LARS1: variants seen among roughly 807,000 people sequenced by gnomAD.
LARS1 encodes leucyl-tRNA synthetase 1.
A neutral mutation model predicts 162.8 loss-of-function variants in LARS1; 100 were observed. That is an observed-to-expected ratio of 0.61 (90% CI 0.52 to 0.73). The LOEUF (loss-of-function observed/expected upper bound fraction) is 0.73, where lower values mean the gene tolerates loss of function less well. Ranked by LOEUF, LARS1 falls within the 30% of genes least tolerant of loss-of-function variation. LARS1 has a pLI of 0.00. For missense variants in LARS1, 1,258 were observed against 1,408.9 expected (o/e 0.89, Z 1.71); for synonymous variants, 457 against 462.8 (o/e 0.99, Z 0.16).
chr5:146,181,922 G>A (rs1754887250), intron 1 of LARS1, among the ~76,000 whole-genome samples: 2 of 114,308 alleles, frequency 1.7e-5, no homozygotes, highest in Non-Finnish European at 3.4e-5. Flanking sequence ...TCTCCACCTC[G>A]GCTTTATTTG....
At chr5:146,161,264 C>T (rs768610176) in intron 6 of LARS1, among the ~76,000 whole-genome samples, 19 of 152,158 alleles carry the variant, frequency 1.2e-4, no homozygotes, top group Non-Finnish European at 1.8e-4. Flanking sequence ...GCCTCGATGA[C>T]GGCTGCTGAC....
intron 25 of LARS1, 139 bp downstream of exon 25, chr5:146,129,879 A>G (rs1256006709): frequency 8.3e-6 from 7 of 845,374 alleles, no homozygotes; most frequent in African/African-American, 1.7e-5. Context: ...AACCCGTCAT[A>G]ATTATGATGC....
chr5:146,146,532 C>CAAAAAAAAAAAAAA (rs573828595), intron 15 of LARS1, among the ~76,000 whole-genome samples: 2 of 26,502 alleles, frequency 7.5e-5, no homozygotes, highest in African/African-American at 2.0e-4. Context: ...ATGCCAGAAC[C>CAAAAAAAAAAAAAA]AAAAAAAAAA....
intron 2 of LARS1, among the ~76,000 whole-genome samples, 178 bp from the exon 3 acceptor site, chr5:146,172,952 T>C (rs890427729): frequency 6.6e-6 from 1 of 152,188 alleles, no homozygotes; most frequent in Non-Finnish European, 1.5e-5. Context: ...GAAAATTACT[T>C]TAGATTTACA....
intron 28 of LARS1, among the ~76,000 whole-genome samples, chr5:146,125,106 T>C (rs1011654590): frequency 6.6e-6 from 1 of 152,004 alleles, no homozygotes; most frequent in East Asian, 1.9e-4. Context: ...GTCATCAAAA[T>C]TAATTGCCTT....
At chr5:146,175,073 C>T (rs1754493504) in intron 2 of LARS1, among the ~76,000 whole-genome samples, 1 of 151,904 alleles carries the variant, frequency 6.6e-6, no homozygotes, top group Non-Finnish European at 1.5e-5. Context: ...AGAAAAATTA[C>T]CTGGGTGTGG....
chr5:146,151,804 A>G, intron 14 of LARS1, 58 bp downstream of exon 14: 2 of 1,455,778 alleles, frequency 1.4e-6, no homozygotes, highest in Non-Finnish European at 1.9e-6. Context: ...TTTTCTAATT[A>G]AGAAAATCAC....
At chr5:146,176,822 A>C (rs1307544134) in intron 2 of LARS1, among the ~76,000 whole-genome samples, 1 of 152,162 alleles carries the variant, frequency 6.6e-6, no homozygotes, top group Non-Finnish European at 1.5e-5. Flanking sequence ...TTCTATAAGC[A>C]TTAGGTTTAC....
rs772723616 is a variant in LARS1 at position 146,126,439 on chromosome 5, A to C, written c.2987T>G (p.Ile996Ser). 2.5e-6 allele frequency: 4 copies of C among 1,601,600 alleles called. No homozygotes were observed. The South Asian group carries it at 3.3e-5, about 13-fold the overall frequency. Residue 996 changes from isoleucine (I) to serine (S), a missense_variant, in exon 28 of 32, where the codon ATT (isoleucine) becomes AGT (serine). By Grantham distance (142) the Ile-to-Ser change is moderately radical. Transcript: ENST00000394434. Reference sequence around the variant, plus strand: ...TGCATAAGGTCCACAGCTTACCTTAATCATGGCAACAAATGGCATGACTTT... The same window carrying C: ...TGCATAAGGTCCACAGCTTACCTTACTCATGGCAACAAATGGCATGACTTT... ...MKKVMPFVAM[I>S]KENLEKMGPR...
chr5:146,133,098 A>C lies in LARS1; in HGVS notation c.2213-17T>G. On this transcript the variant is annotated splice_polypyrimidine_tract_variant and intron_variant, in intron 22 of 31. Coordinates refer to ENST00000394434, the MANE Select transcript of LARS1 (RefSeq NM_020117.11). ...AACGCATTCCTGGAAGAAGAAAAAA[A>C]AATTCAATGCATTAAAAATATGGTT... The C allele has an allele frequency of 5.0e-6, 8 of 1,611,382 alleles. No homozygotes were observed. The highest frequency in any genetic ancestry group is 6.8e-6 in the Non-Finnish European group (8 of 1,178,444).
chr5:146,176,203 C>G (rs567281432), intron 2 of LARS1, among the ~76,000 whole-genome samples: 89 of 151,646 alleles, frequency 5.9e-4, no homozygotes, highest in African/African-American at 2.1e-3. Context: ...CCTGTAATCC[C>G]GGCACTTTGG....
chr5:146,149,816 G>A (rs1753193721), intron 14 of LARS1, 117 bp from the exon 15 acceptor site: 1 of 712,648 alleles, frequency 1.4e-6, no homozygotes. Flanking sequence ...TTTTTAGTAT[G>A]AAATTTATCA....
chr5:146,155,637 T>C (rs967970001), intron 10 of LARS1, among the ~76,000 whole-genome samples: 2 of 152,212 alleles, frequency 1.3e-5, no homozygotes, highest in Non-Finnish European at 2.9e-5. Context: ...TTTATTCATA[T>C]ATGTACTTAT....
chr5:146,181,843 T>G (rs1754861989), intron 1 of LARS1, among the ~76,000 whole-genome samples: 1 of 116,512 alleles, frequency 8.6e-6, no homozygotes, highest in African/African-American at 3.2e-5. Flanking sequence ...GGCGCTCAAT[T>G]TTTTCTTTTT....
chr5:146,133,595 C>A (rs1322565207), intron 22 of LARS1, among the ~76,000 whole-genome samples: 1 of 149,128 alleles, frequency 6.7e-6, no homozygotes, highest in African/African-American at 2.5e-5. Context: ...TCTCTCAGTA[C>A]TACCAAAATC....
At chr5:146,162,791 A>G (rs993368915) in intron 6 of LARS1, among the ~76,000 whole-genome samples, 1 of 152,172 alleles carries the variant, frequency 6.6e-6, no homozygotes, top group African/African-American at 2.4e-5. Context: ...TCCCCTAAAT[A>G]ACTTGCTGCA....
Position 146,181,848 on chromosome 5 carries a change from C to CT in LARS1, c.6+639dup, listed in dbSNP as rs34658033. 1.7e-3 allele frequency among the ~76,000 whole-genome samples: 90 copies of CT among 53,030 alleles called. 13 individuals carry two copies. The highest frequency in any genetic ancestry group is 4.5e-3 in the African/African-American group (64 of 14,264). 34.8% of individuals were successfully genotyped at this position (53,030 alleles called of 152,430 possible). ...TTTACGGAGAGGCGCTCAATTTTTT[C>CT]TTTTTTTTTTTTTTTTTTTTTTTTT... On this transcript the variant is annotated intron_variant, in intron 1 of 31. Transcript: ENST00000394434.
intron 19 of LARS1, 26 bp downstream of exon 19, chr5:146,143,386 C>T (rs1386571310): frequency 6.3e-7 from 1 of 1,589,794 alleles, no homozygotes; most frequent in Non-Finnish European, 8.6e-7. Context: ...ACAAATTATG[C>T]TCCTTTCCCT....
intron 15 of LARS1, among the ~76,000 whole-genome samples, chr5:146,145,339 C>G (rs1170677150): frequency 6.6e-6 from 1 of 152,048 alleles, no homozygotes; most frequent in Admixed American, 6.6e-5. Flanking sequence ...CCTCAGCCTC[C>G]CAAAGTGTTT....
Sources: allele counts gnomAD v4.1 joint callset (sites outside exome capture counted in the v4.1 genomes callset), GRCh38; gene constraint gnomAD v4.1.1; transcripts MANE v1.5; gene names NCBI Gene and HGNC (gene_info 2026-07-23, HGNC 2026-07-21).